The following SLC9A3 variants were observed in gnomAD, a reference collection of about 807,000 sequenced individuals.
SLC9A3 encodes sodium/hydrogen exchanger 3.
A neutral mutation model predicts 86.8 loss-of-function variants in SLC9A3; 37 were observed. The ratio of observed to expected loss-of-function variants is 0.43; its 90% CI spans 0.33 to 0.56. The LOEUF (loss-of-function observed/expected upper bound fraction) is 0.56. Among genes scored for constraint, SLC9A3 ranks in the 20% least tolerant of loss-of-function variants. The probability of loss-of-function intolerance (pLI) is 0.06; values close to 1 mark genes in which losing one functional copy is unlikely to be tolerated. For missense variants in SLC9A3, 1,011 were observed against 1,171.9 expected (o/e 0.86, Z 2.00); for synonymous variants, 581 against 528.3 (o/e 1.10, Z -1.37).
chr5:488,686 T>A (rs1018584132), intron 2 of SLC9A3, among the ~76,000 whole-genome samples: 21 of 152,256 alleles, frequency 1.4e-4, no homozygotes, highest in Admixed American at 1.2e-3. Context: ...CCACCCCATC[T>A]GAGCAAGACA....
chr5:506,654 C>A (rs1008744306), intron 1 of SLC9A3, among the ~76,000 whole-genome samples: 3 of 152,158 alleles, frequency 2.0e-5, no homozygotes, highest in African/African-American at 7.2e-5. Flanking sequence ...ATGATAATCT[C>A]GACTTTTCTG....
intron 1 of SLC9A3, among the ~76,000 whole-genome samples, chr5:522,693 C>G (rs954044016): frequency 4.0e-5 from 6 of 148,758 alleles, no homozygotes; most frequent in Non-Finnish European, 8.9e-5. Context: ...GAGCCGAGAT[C>G]GCGTCATTGC....
intron 1 of SLC9A3, among the ~76,000 whole-genome samples, chr5:495,296 C>A (rs2126634501): frequency 6.8e-6 from 1 of 147,042 alleles, no homozygotes; most frequent in Admixed American, 7.0e-5. Flanking sequence ...CGCGGGCCAG[C>A]AAGTCAGGGA....
Position 488,478 on chromosome 5 carries a change from TG to T in SLC9A3, c.515-3del. 6.4e-7 allele frequency: 1 copy of T among 1,553,608 alleles called. No homozygotes were observed. The highest frequency in any genetic ancestry group is 8.7e-7 in the Non-Finnish European group (1 of 1,146,794). ...CCAGCAGCCCAATCTGCAGGTCGCCTGGAAGACAAGCCGGGCCGCGGGGCAG... is the reference window on the plus strand; with the variant it reads ...CCAGCAGCCCAATCTGCAGGTCGCCTGAAGACAAGCCGGGCCGCGGGGCAG... On this transcript the variant is annotated splice_region_variant and splice_polypyrimidine_tract_variant and intron_variant, in intron 2 of 16. Transcript: ENST00000264938.
Position 473,058 on chromosome 5 carries a change from G to C in SLC9A3, c.*321C>G, listed in dbSNP as rs1337108317. On this transcript the variant is annotated 3_prime_UTR_variant, in exon 17 of 17. Transcript: ENST00000264938. ...CTTCAGCAGCGCGGGGCGGCGGCGC[G>C]CGCGAGGCCGCTGGAACGAGCGCCG... is the stretch of plus-strand genomic sequence containing the variant. 2 of 311,900 alleles carry C rather than the reference G, an allele frequency of 6.4e-6. No homozygotes were observed. Among genetic ancestry groups the C allele is most frequent in the Admixed American group, 1.0e-4 (2 of 19,066 alleles). The allele number at this position is 311,900 out of a possible 1,614,324, so 19.3% of individuals were successfully genotyped here.
chr5:486,761 C>T (rs531755922), intron 3 of SLC9A3, among the ~76,000 whole-genome samples: 3 of 152,318 alleles, frequency 2.0e-5, no homozygotes, highest in Admixed American at 6.5e-5. Flanking sequence ...GGAGGCGACT[C>T]GGGCACATTC....
Position 491,922 on chromosome 5 carries a change from G to T in SLC9A3, c.361C>A (p.Pro121Thr). The T allele has an allele frequency of 6.2e-7, 1 of 1,611,782 alleles. No homozygotes were observed. The change falls in exon 2 of 17, where the codon CCC becomes ACC. Residue 121 changes from proline (P) to threonine (T), a missense_variant. Physicochemically the swap from Pro to Thr is conservative, Grantham distance 38. Around this residue, in one of 3 missense-constraint regions of SLC9A3, gnomAD observed 565 missense variants for 790.0 expected, o/e 0.72. Transcript: ENST00000264938. The surrounding 1 kb of genome is among the most constrained non-coding windows in gnomAD (Gnocchi z 9.2). ...TPTVFFFYLL[P>T]PIVLDAGYFM... Reference sequence around the variant, plus strand: ...TAGCCGGCGTCCAGCACGATGGGGGGCAGCAGGTAGAAGAAGAAGACGGTG... The same window carrying T: ...TAGCCGGCGTCCAGCACGATGGGGGTCAGCAGGTAGAAGAAGAAGACGGTG...
chr5:495,300 T>TCAGGGACA (rs143782546), intron 1 of SLC9A3, among the ~76,000 whole-genome samples: 16,018 of 150,644 alleles, frequency 0.11, 1,152 homozygotes, highest in Admixed American at 0.17. Flanking sequence ...GGCCAGCAAG[T>TCAGGGACA]CAGGGACACA....
intron 1 of SLC9A3, among the ~76,000 whole-genome samples, chr5:504,540 A>G (rs1225131302): frequency 6.6e-6 from 1 of 152,172 alleles, no homozygotes; most frequent in African/African-American, 2.4e-5. Context: ...CAGACCACAC[A>G]GCAAGCGGCC....
In SLC9A3 at chr5:472,243, T is replaced by C. The variant is rs530623109; in HGVS notation, c.*1136A>G. 1 of 353,810 alleles carries C rather than the reference T, an allele frequency of 2.8e-6. No individual in the cohort carries two copies. Among genetic ancestry groups the C allele is most frequent in the Non-Finnish European group, 5.6e-6 (1 of 179,726 alleles). The allele number at this position is 353,810 out of a possible 1,614,324, so 21.9% of individuals were successfully genotyped here. A position where few individuals can be genotyped will look rare whatever the true frequency, so the allele number is the denominator to read the frequency against. On this transcript the variant is annotated 3_prime_UTR_variant, in exon 17 of 17. Coordinates refer to ENST00000264938, the MANE Select transcript of SLC9A3 (RefSeq NM_004174.4). ...AGGAGCTCTGTCCAAGGCCTCGCCC[T>C]GGGACGCTGGAAGGGGTGGGAAGGG...
chr5:518,513 C>T (rs1418231658), intron 1 of SLC9A3, among the ~76,000 whole-genome samples: 4 of 152,198 alleles, frequency 2.6e-5, no homozygotes, highest in African/African-American at 9.7e-5. Context: ...TATCCTGAGA[C>T]TCTTGTCTCA....
chr5:488,276 C>T (rs1204184070), intron 3 of SLC9A3, 40 bp downstream of exon 3: 1 of 1,606,200 alleles, frequency 6.2e-7, no homozygotes, highest in Admixed American at 1.7e-5. Context: ...CCAGGCCTCC[C>T]ACGGCTCGCC....
At chr5:490,006 C>G in intron 2 of SLC9A3, among the ~76,000 whole-genome samples, 1 of 152,242 alleles carries the variant, frequency 6.6e-6, no homozygotes, top group East Asian at 1.9e-4. Context: ...CATGTCGACC[C>G]TTTCCCATGG....
intron 1 of SLC9A3, among the ~76,000 whole-genome samples, chr5:494,432 C>T (rs934676668): frequency 2.0e-5 from 3 of 152,232 alleles, no homozygotes; most frequent in Admixed American, 1.3e-4. Flanking sequence ...ACCCCCTCCA[C>T]AGCCGGGACT....
Position 484,572 on chromosome 5 carries a change from A to G in SLC9A3, c.880T>C (p.Ser294Pro). Residue 294 changes from serine (S) to proline (P), a missense_variant, in exon 5 of 17, where the codon TCC becomes CCC. Coordinates refer to ENST00000264938, the MANE Select transcript of SLC9A3 (RefSeq NM_004174.4). ...IIEPGFVFII[S>P]YLSYLTSEML... The stretch of plus-strand genomic sequence containing the variant: ...TCGGACGTCAGGTAGGACAGGTAGG[A>G]GATGATGAACACGAAGCCGGGCTCG... 1 of 1,613,216 alleles carries G rather than the reference A, an allele frequency of 6.2e-7. No individual in the cohort carries two copies. The highest frequency in any genetic ancestry group is 1.1e-5 in the South Asian group (1 of 91,086).
rs150012129 is a variant in SLC9A3 at position 484,667 on chromosome 5, G to A, written c.785C>T (p.Thr262Met). Residue 262 changes from threonine (T) to methionine (M), a missense_variant, in exon 5 of 17, where the codon ACG becomes ATG. Thr to Met is a moderately conservative substitution (Grantham distance 81). Around this residue, in one of 3 missense-constraint regions of SLC9A3, gnomAD observed 565 missense variants for 790.0 expected, o/e 0.72. Coordinates refer to ENST00000264938, the MANE Select transcript of SLC9A3 (RefSeq NM_004174.4). ...GAAGGCGAAGACCACCCCCACCAGCGTGCCCCCCAGGCTCACCACGAAGAA... is the reference window on the plus strand; with the variant it reads ...GAAGGCGAAGACCACCCCCACCAGCATGCCCCCCAGGCTCACCACGAAGAA... ...VSFFVVSLGG[T>M]LVGVVFAFLL... 133 of 1,613,062 alleles carry A rather than the reference G, an allele frequency of 8.2e-5. 2 individuals carry two copies. In the South Asian group the frequency reaches 1.2e-3, roughly 15 times the overall value.
rs201379604 is a variant in SLC9A3, at chr5:488,267, C to T, written c.675+49G>A. On this transcript the variant is annotated intron_variant, in intron 3 of 16. Transcript: ENST00000264938. Reference sequence around the variant, plus strand: ...GACCGATGGGGGGTGAGACGGGGCCCAGGCCTCCCACGGCTCGCCCGCTCT... The same window carrying T: ...GACCGATGGGGGGTGAGACGGGGCCTAGGCCTCCCACGGCTCGCCCGCTCT... The T allele has an allele frequency of 1.9e-3, 3,055 of 1,600,120 alleles. 6 individuals are homozygous for T. The highest frequency in any genetic ancestry group is 3.0e-3 in the Middle Eastern group (18 of 6,026).
chr5:472,494 C>T lies in SLC9A3; in HGVS notation c.*885G>A. The T allele has an allele frequency of 3.0e-6, 1 of 335,156 alleles. No homozygotes were observed. Among genetic ancestry groups the T allele is most frequent in the African/African-American group, 2.3e-5 (1 of 44,214 alleles). The allele number at this position is 335,156 out of a possible 1,614,324, so 20.8% of individuals were successfully genotyped here. Reference sequence around the variant, plus strand: ...ACCCAGCCAGGGCACCCCGGGCGACCTCCGCGCCAGGTGCGACAGCTCAGG... The same window carrying T: ...ACCCAGCCAGGGCACCCCGGGCGACTTCCGCGCCAGGTGCGACAGCTCAGG... On this transcript the variant is annotated 3_prime_UTR_variant, in exon 17 of 17. Transcript: ENST00000264938.
chr5:519,420 G>A (rs1733820147), intron 1 of SLC9A3, among the ~76,000 whole-genome samples: 1 of 152,188 alleles, frequency 6.6e-6, no homozygotes, highest in African/African-American at 2.4e-5. Context: ...CAGGACCAGA[G>A]CACATGCAAT....
Sources: gnomAD v4.1 joint callset for allele counts (sites outside exome capture counted in the v4.1 genomes callset) on GRCh38, gnomAD v4.1.1 for gene constraint, gnomAD v4.1.1 regional missense constraint, Gnocchi (gnomAD v3.1) non-coding constraint, MANE v1.5 for transcripts, NCBI Gene and HGNC (gene_info 2026-07-23, HGNC 2026-07-21) for gene names.